CPNE8: variants seen among roughly 807,000 people sequenced by gnomAD.
The protein encoded by CPNE8 is copine-8.
Under a neutral mutation model 81.5 loss-of-function variants are expected in CPNE8, and 45 were observed. The ratio of observed to expected loss-of-function variants is 0.55; its 90% confidence interval spans 0.44 to 0.71. CPNE8 has a LOEUF of 0.71. CPNE8 is among the 30% of genes least tolerant of loss of function. CPNE8 has a pLI of 0.00. For missense variants in CPNE8, 594 were observed against 672.1 expected (o/e 0.88, Z 1.28); for synonymous variants, 252 against 226.3 (o/e 1.11, Z -1.02).
Position 38,677,478 on chromosome 12 carries a change from C to T in CPNE8, c.1348G>A (p.Ala450Thr), listed in dbSNP as rs750465056. ...TTAACTATGGACTCCTTAGTCTGGGCCATATCTGAGATAACACCATCTGTA... is the reference window on the plus strand; with the variant it reads ...TTAACTATGGACTCCTTAGTCTGGGTCATATCTGAGATAACACCATCTGTA... ...IVTDGVISDM[A>T]QTKESIVNAS... Residue 450 changes from alanine to threonine, a missense_variant, in exon 17 of 20, where the codon GCC (alanine) becomes ACC (threonine). Transcript: ENST00000331366. The T allele has an allele frequency of 3.1e-6, 5 of 1,610,190 alleles. No homozygotes were observed. Among genetic ancestry groups the T allele is most frequent in the Non-Finnish European group, 4.2e-6 (5 of 1,176,902 alleles).
chr12:38,678,125 C>T (rs766092598), intron 16 of CPNE8, among the ~76,000 whole-genome samples: 12 of 151,792 alleles, frequency 7.9e-5, no homozygotes, highest in Non-Finnish European at 1.3e-4. Context: ...GAATGGTATA[C>T]GTTTAAATGG....
chr12:38,798,893 G>T (rs1942579081), intron 6 of CPNE8, among the ~76,000 whole-genome samples: 1 of 152,130 alleles, frequency 6.6e-6, no homozygotes, highest in Admixed American at 6.5e-5. Context: ...GGCAGGGGTT[G>T]AAATCCCAGT....
intron 6 of CPNE8, among the ~76,000 whole-genome samples, chr12:38,808,354 C>A (rs952177550): frequency 3.1e-4 from 47 of 151,900 alleles, no homozygotes; most frequent in Admixed American, 3.0e-3. Context: ...TGGAACAACC[C>A]AAATGTCCAA....
chr12:38,858,186 T>C (rs1943775484), intron 3 of CPNE8, among the ~76,000 whole-genome samples: 1 of 152,224 alleles, frequency 6.6e-6, no homozygotes, highest in Admixed American at 6.5e-5. Context: ...AGAGACATTG[T>C]TCCAAGTTGC....
At chr12:38,705,992 A>C (rs1940097907) in intron 13 of CPNE8, among the ~76,000 whole-genome samples, 1 of 152,150 alleles carries the variant, frequency 6.6e-6, no homozygotes, top group East Asian at 1.9e-4. Context: ...GTACCAGTTA[A>C]CCACAAAATA....
Position 38,653,859 on chromosome 12 carries a change from G to A in CPNE8, c.*23C>T. The A allele has an allele frequency of 1.9e-6, 3 of 1,604,162 alleles. No homozygotes were observed. Among genetic ancestry groups the A allele is most frequent in the Non-Finnish European group, 2.5e-6 (3 of 1,176,816 alleles). On this transcript the variant is annotated 3_prime_UTR_variant, in exon 20 of 20. Coordinates refer to ENST00000331366, the MANE Select transcript of CPNE8 (RefSeq NM_153634.3). ...AACTCAGCACTTTTGATTTGTAGTT[G>A]ACATTAGCATTTCAGAGCACAGTCA...
At chr12:38,864,571 AT>A (rs1444325431) in intron 3 of CPNE8, among the ~76,000 whole-genome samples, 2 of 152,222 alleles carry the variant, frequency 1.3e-5, no homozygotes, top group African/African-American at 4.8e-5. Flanking sequence ...ACAGTTATTT[AT>A]GATAAAGGTG....
intron 6 of CPNE8, among the ~76,000 whole-genome samples, chr12:38,797,728 G>C (rs564755950): frequency 1.3e-5 from 2 of 152,112 alleles, no homozygotes; most frequent in Non-Finnish European, 1.5e-5. Flanking sequence ...AGAGAGGAAG[G>C]CTTCAGAAGA....
intron 3 of CPNE8, among the ~76,000 whole-genome samples, chr12:38,860,400 A>G (rs1433452520): frequency 6.6e-6 from 1 of 151,428 alleles, no homozygotes; most frequent in African/African-American, 2.4e-5. Context: ...AAAAAAAAAA[A>G]AAAAAGGAAG....
intron 1 of CPNE8, among the ~76,000 whole-genome samples, chr12:38,876,440 C>G (rs4332556): frequency 0.24 from 36,354 of 152,000 alleles, 5,465 homozygotes; most frequent in Non-Finnish European, 0.33. Context: ...CTCAAACTCC[C>G]GACCTCAGGT....
chr12:38,752,682 C>A (rs1941376721), intron 10 of CPNE8, among the ~76,000 whole-genome samples: 2 of 152,172 alleles, frequency 1.3e-5, no homozygotes, highest in Admixed American at 1.3e-4. Flanking sequence ...TATGCTCAAT[C>A]TGTTCTTGGT....
chr12:38,731,432 G>A (rs545773088), intron 10 of CPNE8, among the ~76,000 whole-genome samples: 79 of 151,972 alleles, frequency 5.2e-4, no homozygotes, highest in African/African-American at 1.3e-3. Context: ...AAGACAGGAT[G>A]TGGAGGGGTA....
At chr12:38,776,151 A>G (rs1159808725) in intron 7 of CPNE8, 87 bp downstream of exon 7, 2 of 585,832 alleles carry the variant, frequency 3.4e-6, no homozygotes, top group Non-Finnish European at 5.7e-6. Flanking sequence ...TGCTACAATT[A>G]CTTAAAAATT....
intron 6 of CPNE8, among the ~76,000 whole-genome samples, chr12:38,791,598 C>T (rs74086007): frequency 0.021 from 3,215 of 151,516 alleles, 110 homozygotes; most frequent in African/African-American, 0.072. Context: ...AAACAACAAT[C>T]CTGAAATGTG....
intron 13 of CPNE8, among the ~76,000 whole-genome samples, chr12:38,709,574 A>T (rs1940196541): frequency 6.6e-6 from 1 of 152,230 alleles, no homozygotes; most frequent in South Asian, 2.1e-4. Flanking sequence ...TGAGGACCAT[A>T]AAAGAACCTG....
At chr12:38,844,412 T>C (rs1209403239) in intron 4 of CPNE8, among the ~76,000 whole-genome samples, 1 of 152,192 alleles carries the variant, frequency 6.6e-6, no homozygotes, top group Non-Finnish European at 1.5e-5. Flanking sequence ...ACCTGTATTA[T>C]CATCAGTGTG....
intron 1 of CPNE8, among the ~76,000 whole-genome samples, chr12:38,897,175 TTCTCATTAA>T (rs1944399858): frequency 6.6e-6 from 1 of 152,160 alleles, no homozygotes; most frequent in Non-Finnish European, 1.5e-5. Flanking sequence ...CTGCCTCAAA[TTCTCATTAA>T]TCTCTAAATG....
intron 1 of CPNE8, among the ~76,000 whole-genome samples, chr12:38,887,690 G>A (rs1944256244): frequency 6.6e-6 from 1 of 152,104 alleles, no homozygotes; most frequent in African/African-American, 2.4e-5. Context: ...TTATACAACT[G>A]TATCAGAAGG....
At chr12:38,736,970 T>C (rs1940970227) in intron 10 of CPNE8, among the ~76,000 whole-genome samples, 1 of 152,090 alleles carries the variant, frequency 6.6e-6, no homozygotes, top group Non-Finnish European at 1.5e-5. Flanking sequence ...AATACTTATG[T>C]AACTCACATA....
Sources: gnomAD v4.1 joint callset for allele counts (sites outside exome capture counted in the v4.1 genomes callset) on GRCh38, gnomAD v4.1.1 for gene constraint, MANE v1.5 for transcripts, NCBI Gene and HGNC (gene_info 2026-07-23, HGNC 2026-07-21) for gene names.